PAX3: variants seen among roughly 807,000 people sequenced by gnomAD.
PAX3 encodes the protein paired box protein Pax-3.
A neutral mutation model predicts 51.6 loss-of-function variants in PAX3; 14 were observed. The ratio of observed to expected loss-of-function variants is 0.27; its 90% CI spans 0.18 to 0.42. PAX3 has a LOEUF of 0.42. Ranked by LOEUF, PAX3 falls within the 10% of genes least tolerant of loss-of-function variation. PAX3 has a pLI of 1.00. For missense variants in PAX3, 540 were observed against 642.8 expected, an observed-to-expected ratio of 0.84 and a Z score of 1.73; for synonymous variants, 280 against 253.4, an observed-to-expected ratio of 1.11 and a Z score of -1.00.
chr2:222,255,566 G>T (rs1034538411), intron 4 of PAX3, among the ~76,000 whole-genome samples: 2 of 152,174 alleles, frequency 1.3e-5, no homozygotes, highest in African/African-American at 4.8e-5. Flanking sequence ...TACCATGTCA[G>T]CCAGTCAGTG....
At chr2:222,202,479 T>A (rs1456824504) in intron 7 of PAX3, among the ~76,000 whole-genome samples, 3 of 151,098 alleles carry the variant, frequency 2.0e-5, no homozygotes. Context: ...TTACACCACG[T>A]CCCTAGTGAT....
At chr2:222,224,666 A>G (rs1692318104) in intron 5 of PAX3, among the ~76,000 whole-genome samples, 1 of 152,220 alleles carries the variant, frequency 6.6e-6, no homozygotes, top group Middle Eastern at 3.2e-3. Flanking sequence ...ATCAGCCCAC[A>G]TTTAACTGAA....
chr2:222,217,867 G>T (rs537922320), intron 7 of PAX3, among the ~76,000 whole-genome samples: 2 of 152,260 alleles, frequency 1.3e-5, no homozygotes, highest in East Asian at 3.9e-4. Flanking sequence ...AAGTGATATA[G>T]CCCAAAGTTT....
intron 4 of PAX3, among the ~76,000 whole-genome samples, chr2:222,283,357 T>C (rs1276386129): frequency 1.3e-5 from 2 of 152,112 alleles, no homozygotes; most frequent in African/African-American, 4.8e-5. Flanking sequence ...GAAATGTAAT[T>C]ACTTGGTTGG....
chr2:222,231,900 G>A (rs894058994), intron 5 of PAX3, among the ~76,000 whole-genome samples, 178 bp downstream of exon 5: 11 of 152,302 alleles, frequency 7.2e-5, no homozygotes, highest in South Asian at 2.1e-4. Context: ...TCTGTGTGTC[G>A]TAAATGATAT....
At chr2:222,254,716 A>C (rs1460321596) in intron 4 of PAX3, among the ~76,000 whole-genome samples, 1 of 152,240 alleles carries the variant, frequency 6.6e-6, no homozygotes, top group East Asian at 1.9e-4. Context: ...TCAAAAACTC[A>C]ACATCAACAT....
chr2:222,201,132 T>C lies in PAX3; in HGVS notation c.*276A>G. The C allele has an allele frequency of 6.2e-7, 1 of 1,606,800 alleles. No individual in the cohort carries two copies. Among genetic ancestry groups the C allele is most frequent in the Non-Finnish European group, 8.5e-7 (1 of 1,173,756 alleles). On this transcript the variant is annotated 3_prime_UTR_variant, in exon 9 of 9. Coordinates refer to ENST00000392070, the MANE Select transcript of PAX3 (RefSeq NM_181458.4). The stretch of plus-strand genomic sequence containing the variant: ...TAAAGAATTGGGATGTTTTGATATG[T>C]AACCATGTGAAACCATTGCCTTAAA...
intron 4 of PAX3, among the ~76,000 whole-genome samples, chr2:222,285,449 A>T (rs1694798829): frequency 6.6e-6 from 1 of 152,226 alleles, no homozygotes; most frequent in African/African-American, 2.4e-5. Flanking sequence ...TGCCACTAAA[A>T]GGGTAGGGGG....
chr2:222,200,613 T>C lies in PAX3; in HGVS notation c.*795A>G. On this transcript the variant is annotated 3_prime_UTR_variant, in exon 9 of 9. Transcript: ENST00000392070. ...ATATGTGAATGCATGTCACTTTCTC[T>C]CCACCGTGCCCTTCCTCCAACCCAG... 1 of 248,832 alleles carries C rather than the reference T, an allele frequency of 4.0e-6. No individual in the cohort carries two copies. The highest frequency in any genetic ancestry group is 7.9e-6 in the Non-Finnish European group (1 of 126,578). The allele number at this position is 248,832 out of a possible 1,614,324, so 15.4% of individuals were successfully genotyped here.
At chr2:222,297,360 A>T in intron 1 of PAX3, 147 bp from the exon 2 acceptor site, 1 of 702,862 alleles carries the variant, frequency 1.4e-6, no homozygotes, top group Non-Finnish European at 2.6e-6. Flanking sequence ...GGACTCCCAG[A>T]CCCAGACCTC....
At chr2:222,258,846 TAAC>T (rs923504788) in intron 4 of PAX3, among the ~76,000 whole-genome samples, 1 of 151,776 alleles carries the variant, frequency 6.6e-6, no homozygotes, top group African/African-American at 2.4e-5. Flanking sequence ...GTTCAGTTCT[TAAC>T]AACAACAAAA....
intron 4 of PAX3, among the ~76,000 whole-genome samples, chr2:222,269,267 G>A (rs1191957312): frequency 5.9e-5 from 9 of 152,094 alleles, no homozygotes; most frequent in African/African-American, 1.9e-4. Flanking sequence ...CCTTGAAAAG[G>A]CCTGTTGAAT....
At chr2:222,261,194 C>T (rs541591937) in intron 4 of PAX3, among the ~76,000 whole-genome samples, 1 of 152,192 alleles carries the variant, frequency 6.6e-6, no homozygotes, top group Non-Finnish European at 1.5e-5. Flanking sequence ...CTGCCATGCA[C>T]GCAGTGGACT....
At chr2:222,279,304 C>CGTGCGTGT (rs1553587587) in intron 4 of PAX3, among the ~76,000 whole-genome samples, 3 of 148,034 alleles carry the variant, frequency 2.0e-5, no homozygotes, top group Non-Finnish European at 4.5e-5. Flanking sequence ...CAAGCCTGTG[C>CGTGCGTGT]GTGTGTGTGT....
intron 7 of PAX3, 33 bp downstream of exon 7, chr2:222,220,106 CA>C (rs1692127627): frequency 6.4e-7 from 1 of 1,573,112 alleles, no homozygotes; most frequent in African/African-American, 1.3e-5. Context: ...TTCTGGTATA[CA>C]GCAAATCGTC....
intron 4 of PAX3, among the ~76,000 whole-genome samples, chr2:222,267,929 C>A (rs961475175): frequency 1.3e-5 from 2 of 152,178 alleles, no homozygotes; most frequent in Non-Finnish European, 2.9e-5. Flanking sequence ...AGTTTTCAAG[C>A]ATCAGTATAT....
intron 5 of PAX3, among the ~76,000 whole-genome samples, chr2:222,227,749 T>C (rs1692440267): frequency 6.6e-6 from 1 of 151,658 alleles, no homozygotes; most frequent in African/African-American, 2.4e-5. Flanking sequence ...AAAAACCTTG[T>C]AGTGTTATTA....
chr2:222,208,305 T>C (rs1691592502), intron 7 of PAX3, among the ~76,000 whole-genome samples: 1 of 152,164 alleles, frequency 6.6e-6, no homozygotes, highest in Admixed American at 6.6e-5. Flanking sequence ...GCAAATATTT[T>C]TTTTTTCTAT....
At chr2:222,201,681 T>G (rs2106033120) in intron 8 of PAX3, 1 of 1,428,006 alleles carries the variant, frequency 7.0e-7, no homozygotes. Flanking sequence ...TTATTTCATT[T>G]TGGCCAACCC....
Sources: gnomAD v4.1 joint callset for allele counts (sites outside exome capture counted in the v4.1 genomes callset) on GRCh38, gnomAD v4.1.1 for gene constraint, MANE v1.5 for transcripts, NCBI Gene and HGNC (gene_info 2026-07-23, HGNC 2026-07-21) for gene names.